DDRGK1: variants seen among roughly 807,000 people sequenced by gnomAD.
DDRGK1 encodes the protein DDRGK domain-containing protein 1.
In DDRGK1, 38 loss-of-function variants were observed where a neutral mutation model predicts 45.8. The ratio of observed to expected loss-of-function variants is 0.83; its 90% CI spans 0.64 to 1.09. The LOEUF (loss-of-function observed/expected upper bound fraction) is 1.09, where lower values mean the gene tolerates loss of function less well. Ranked by LOEUF, DDRGK1 falls within the 50% of genes least tolerant of loss-of-function variation. DDRGK1 has a pLI of 0.00. For synonymous variants in DDRGK1, 171 were observed against 168.7 expected, an observed-to-expected ratio of 1.01 and a Z score of -0.11; for missense variants, 403 against 419.9, an observed-to-expected ratio of 0.96 and a Z score of 0.35.
chr20:3,191,588 G>T, intron 7 of DDRGK1, 177 bp downstream of exon 7: 1 of 830,168 alleles, frequency 1.2e-6, no homozygotes, highest in Non-Finnish European at 2.0e-6. Context: ...TTTCCTGCCT[G>T]TTCGTCCATT....
At position 3,190,468 on chromosome 20, in the gene DDRGK1, G is replaced by T; in HGVS notation, c.*185C>A. 1 of 701,062 alleles carries T rather than the reference G, an allele frequency of 1.4e-6. No individual in the cohort carries two copies. The highest frequency in any genetic ancestry group is 2.3e-6 in the Non-Finnish European group (1 of 430,582). The allele number at this position is 701,062 out of a possible 1,614,324, so 43.4% of individuals were successfully genotyped here. ...ATATTCTGAAGCCTAAATTTCACCT[G>T]CTTATCTAGGATCCTAGGCCAGGCC... On this transcript the variant is annotated 3_prime_UTR_variant, in exon 9 of 9. Coordinates refer to ENST00000354488, the MANE Select transcript of DDRGK1 (RefSeq NM_023935.3).
intron 4 of DDRGK1, among the ~76,000 whole-genome samples, chr20:3,197,189 C>G (rs2067014858): frequency 7.4e-6 from 1 of 135,486 alleles, no homozygotes; most frequent in African/African-American, 2.8e-5. Context: ...CGCCACTGGA[C>G]TCCAGCCTGG....
rs200948064 is a variant in DDRGK1, at chr20:3,203,339, C to A, written c.169G>T (p.Glu57Ter). The change falls in exon 2 of 9, where the codon GAG (glutamate) becomes TAG (stop). Residue 57 changes from glutamate (E) to a stop codon, truncating the protein, a stop_gained. Coordinates refer to ENST00000354488, the MANE Select transcript of DDRGK1 (RefSeq NM_023935.3). LOFTEE classifies it high-confidence loss of function. ...VAQPGPLEPE[E>*]PRAGGRPRRR... ...CGAGGCCTGCCTCCAGCTCTCGGCT[C>A]CTCAGGCTCCAGGGGCCCAGGCTGG... 6.2e-6 allele frequency: 10 copies of A among 1,609,358 alleles called. No homozygotes were observed. Among genetic ancestry groups the A allele is most frequent in the Non-Finnish European group, 8.5e-6 (10 of 1,177,590 alleles).
At chr20:3,197,750 T>C (rs1306452672) in intron 4 of DDRGK1, among the ~76,000 whole-genome samples, 1 of 150,556 alleles carries the variant, frequency 6.6e-6, no homozygotes, top group Non-Finnish European at 1.5e-5. Context: ...GCCAATACGG[T>C]GAAACCCCGC....
intron 7 of DDRGK1, 104 bp from the exon 8 acceptor site, chr20:3,191,342 A>C: frequency 2.4e-6 from 3 of 1,276,218 alleles, no homozygotes; most frequent in Non-Finnish European, 3.4e-6. Context: ...TTTCCCTCTC[A>C]TGCCACGCCC....
At chr20:3,193,174 A>G (rs1191511489) in intron 6 of DDRGK1, among the ~76,000 whole-genome samples, 2 of 152,200 alleles carry the variant, frequency 1.3e-5, no homozygotes, top group Non-Finnish European at 2.9e-5. Flanking sequence ...GGAGAATGGA[A>G]CAAGATCGAG....
intron 4 of DDRGK1, among the ~76,000 whole-genome samples, chr20:3,199,498 A>C (rs1306828359): frequency 6.6e-6 from 1 of 152,164 alleles, no homozygotes; most frequent in Admixed American, 6.5e-5. Flanking sequence ...TATGTACCCC[A>C]CATCTTTATG....
Position 3,204,543 on chromosome 20 carries a change from C to A in DDRGK1, c.85G>T (p.Ala29Ser). The A allele has an allele frequency of 6.4e-7, 1 of 1,561,494 alleles. No individual in the cohort carries two copies. The highest frequency in any genetic ancestry group is 8.6e-7 in the Non-Finnish European group (1 of 1,160,232). ...GTGCAGCGGCATCTCCTACCTGATG[C>A]CGCCCGGCCCCGGCTGCGAGTCAGG... ...LFLTRSRGRA[A>S]SAGQEPLHNE... Residue 29 changes from alanine (A) to serine (S), a missense_variant, in exon 1 of 9, where the codon GCA becomes TCA. Ala to Ser is a moderately conservative substitution (Grantham distance 99). Coordinates refer to ENST00000354488, the MANE Select transcript of DDRGK1 (RefSeq NM_023935.3).
chr20:3,196,459 C>G (rs890051175), intron 4 of DDRGK1, among the ~76,000 whole-genome samples: 1 of 151,400 alleles, frequency 6.6e-6, no homozygotes, highest in African/African-American at 2.4e-5. Flanking sequence ...GGGCGGATCA[C>G]GAGGTCAGGA....
chr20:3,200,999 A>G (rs956499517), intron 2 of DDRGK1, among the ~76,000 whole-genome samples: 1 of 152,178 alleles, frequency 6.6e-6, no homozygotes, highest in African/African-American at 2.4e-5. Context: ...AGTCCCAGCT[A>G]CTCAGGAGGC....
chr20:3,194,974 G>C lies in DDRGK1; in HGVS notation c.634-106C>G, dbSNP rs2067003929. ...CTCACTTGAGGGCCACCTGCCTGCA[G>C]CCTGCCTTTGGCCCGCCCAACCACC... On this transcript the variant is annotated intron_variant, in intron 5 of 8. Transcript: ENST00000354488. 5.4e-6 allele frequency: 8 copies of C among 1,484,086 alleles called. No homozygotes were observed. In the East Asian group the frequency reaches 1.9e-4, roughly 36 times the overall value. 91.9% of individuals were successfully genotyped at this position (1,484,086 alleles called of 1,614,324 possible). A position where few individuals can be genotyped will look rare whatever the true frequency, so the allele number is the denominator to read the frequency against.
At chr20:3,191,855 G>A in intron 6 of DDRGK1, 34 bp from the exon 7 acceptor site, 5 of 1,586,136 alleles carry the variant, frequency 3.2e-6, no homozygotes, top group Non-Finnish European at 4.3e-6. Context: ...AAGAGAGGCT[G>A]AGCTTGGGCA....
chr20:3,197,281 G>A (rs559398334), intron 4 of DDRGK1, among the ~76,000 whole-genome samples: 1 of 147,434 alleles, frequency 6.8e-6, no homozygotes, highest in East Asian at 2.0e-4. Flanking sequence ...GGGAAGGAGA[G>A]ACATATCTCC....
Position 3,203,251 on chromosome 20 carries a change from G to A in DDRGK1, c.257C>T (p.Ala86Val). ...AQRRAQRVAW[A>V]EADENEEEAV... ...TTCCTCCTCGTTCTCATCTGCTTCTGCCCAGGCCACCCGCTGGGCTCGACG... is the reference window on the plus strand; with the variant it reads ...TTCCTCCTCGTTCTCATCTGCTTCTACCCAGGCCACCCGCTGGGCTCGACG... The change falls in exon 2 of 9, where the codon GCA becomes GTA. Residue 86 changes from alanine (A) to valine (V), a missense_variant. Transcript: ENST00000354488. 1 of 1,604,146 alleles carries A rather than the reference G, an allele frequency of 6.2e-7. No individual in the cohort carries two copies. The highest frequency in any genetic ancestry group is 1.1e-5 in the South Asian group (1 of 90,270).
chr20:3,195,528 C>G (rs1315331533), intron 4 of DDRGK1, among the ~76,000 whole-genome samples, 175 bp from the exon 5 acceptor site: 1 of 152,128 alleles, frequency 6.6e-6, no homozygotes, highest in Non-Finnish European at 1.5e-5. Context: ...TGGGCCGAGG[C>G]CCCTCTTGTC....
chr20:3,195,103 TG>T, intron 5 of DDRGK1, 127 bp downstream of exon 5: 1 of 1,512,154 alleles, frequency 6.6e-7, no homozygotes, highest in Non-Finnish European at 9.0e-7. Context: ...TAAAGCCTGC[TG>T]GTACTGATGC....
At chr20:3,202,339 C>T (rs915729020) in intron 2 of DDRGK1, among the ~76,000 whole-genome samples, 1 of 152,148 alleles carries the variant, frequency 6.6e-6, no homozygotes, top group Non-Finnish European at 1.5e-5. Context: ...AGTTCTCTGG[C>T]TTCTGTCTCT....
rs1028365291 is a variant in DDRGK1 at position 3,196,454 on chromosome 20, G to C, written c.511-1101C>G. 1.1e-4 allele frequency among the ~76,000 whole-genome samples: 16 copies of C among 151,846 alleles called. No individual in the cohort carries two copies. In the South Asian group the frequency reaches 2.9e-3, roughly 28 times the overall value. On this transcript the variant is annotated intron_variant, in intron 4 of 8. Transcript: ENST00000354488. ...GCACTTTGGGAGGCCAAGGCGGGCG[G>C]ATCACGAGGTCAGGAGATCGAGACC...
At chr20:3,200,255 G>C (rs1302140645) in intron 3 of DDRGK1, 87 bp downstream of exon 3, 1 of 1,468,760 alleles carries the variant, frequency 6.8e-7, no homozygotes, top group East Asian at 2.5e-5. Flanking sequence ...AGCCCAGCAG[G>C]CAACAAGCCC....
Sources: allele counts gnomAD v4.1 joint callset (sites outside exome capture counted in the v4.1 genomes callset), GRCh38; gene constraint gnomAD v4.1.1; transcripts MANE v1.5; gene names NCBI Gene and HGNC (gene_info 2026-07-23, HGNC 2026-07-21).